The following ADCY10 variants were observed in gnomAD, a reference collection of about 807,000 sequenced individuals.
The protein encoded by ADCY10 is adenylate cyclase type 10.
Under a neutral mutation model 183.3 loss-of-function variants are expected in ADCY10, and 156 were observed. The ratio of observed to expected loss-of-function variants is 0.85; its 90% CI spans 0.75 to 0.97. The LOEUF (loss-of-function observed/expected upper bound fraction) is 0.97, where lower values mean the gene tolerates loss of function less well. ADCY10 is among the 50% of genes least tolerant of loss of function. The pLI is 0.00. For missense variants in ADCY10, 1,745 were observed against 1,934.3 expected, an observed-to-expected ratio of 0.90 and a Z score of 1.84; for synonymous variants, 645 against 670.0, an observed-to-expected ratio of 0.96 and a Z score of 0.58.
At chr1:167,871,714 T>C (rs561812504) in intron 13 of ADCY10, among the ~76,000 whole-genome samples, 43 of 152,360 alleles carry the variant, frequency 2.8e-4, no homozygotes, top group African/African-American at 9.9e-4. Flanking sequence ...TTAATTCAAG[T>C]GTAGACATTT....
chr1:167,860,768 G>T, intron 15 of ADCY10, 103 bp downstream of exon 15: 1 of 944,432 alleles, frequency 1.1e-6, no homozygotes. Flanking sequence ...TCTGGATACT[G>T]CAGATATACA....
chr1:167,842,155 C>G (rs1382024168), intron 21 of ADCY10, among the ~76,000 whole-genome samples: 1 of 152,150 alleles, frequency 6.6e-6, no homozygotes, highest in African/African-American at 2.4e-5. Context: ...CCCTGAATCT[C>G]CTCCAATTAT....
At position 167,833,954 on chromosome 1, in the gene ADCY10, T is replaced by C; in HGVS notation, c.3417+16A>G. Reference sequence around the variant, plus strand: ...GATATATAACAGATAAATTCAAGTCTTTAATGGTTTCTTACCTCACCTTTG... The same window carrying C: ...GATATATAACAGATAAATTCAAGTCCTTAATGGTTTCTTACCTCACCTTTG... On this transcript the variant is annotated intron_variant, in intron 24 of 32. Coordinates refer to ENST00000367851, the MANE Select transcript of ADCY10 (RefSeq NM_018417.6). 3 of 1,598,174 alleles carry C rather than the reference T, an allele frequency of 1.9e-6. No homozygotes were observed. Among genetic ancestry groups the C allele is most frequent in the South Asian group, 1.1e-5 (1 of 90,708 alleles).
intron 16 of ADCY10, 152 bp from the exon 17 acceptor site, chr1:167,856,591 G>A (rs964510527): frequency 7.6e-6 from 6 of 785,678 alleles, no homozygotes; most frequent in Non-Finnish European, 1.3e-5. Flanking sequence ...CAGTAACTTT[G>A]CATTCATTTA....
At chr1:167,899,399 T>C (rs745606983) in intron 6 of ADCY10, 24 bp downstream of exon 6, 1 of 1,612,908 alleles carries the variant, frequency 6.2e-7, no homozygotes, top group Non-Finnish European at 8.5e-7. Context: ...CAGAACTTTC[T>C]GTAAGTAGCA....
intron 31 of ADCY10, among the ~76,000 whole-genome samples, chr1:167,811,971 G>A (rs1027711008): frequency 6.6e-6 from 1 of 152,194 alleles, no homozygotes; most frequent in Non-Finnish European, 1.5e-5. Flanking sequence ...ACCAGAGGAA[G>A]GCTTGGATGG....
chr1:167,890,608 T>G (rs984415823), intron 8 of ADCY10, among the ~76,000 whole-genome samples: 1 of 152,194 alleles, frequency 6.6e-6, no homozygotes, highest in Admixed American at 6.5e-5. Flanking sequence ...AATCAGCAGG[T>G]GCAAAGCCAG....
At chr1:167,828,781 G>T (rs2101886487) in intron 26 of ADCY10, among the ~76,000 whole-genome samples, 1 of 152,246 alleles carries the variant, frequency 6.6e-6, no homozygotes, top group South Asian at 2.1e-4. Context: ...GGCCAACATG[G>T]TGAAACCCCG....
intron 14 of ADCY10, among the ~76,000 whole-genome samples, chr1:167,869,492 G>A (rs904205789): frequency 1.3e-5 from 2 of 152,192 alleles, no homozygotes; most frequent in African/African-American, 4.8e-5. Flanking sequence ...GGACAGAGAA[G>A]CGAAACTAAA....
At position 167,861,328 on chromosome 1, in the gene ADCY10, C is replaced by T. The variant is rs1666271978; in HGVS notation, c.1617-265G>A. 2.0e-5 allele frequency among the ~76,000 whole-genome samples: 3 copies of T among 152,214 alleles called. No individual in the cohort carries two copies. In the South Asian group the frequency reaches 6.2e-4, roughly 32 times the overall value. On this transcript the variant is annotated intron_variant, in intron 14 of 32. Coordinates refer to ENST00000367851, the MANE Select transcript of ADCY10 (RefSeq NM_018417.6). ...CTACCACAATAGCAAGCCACTACCC[C>T]CATCCAGGTCATGACCCTCTGACTG... is the stretch of plus-strand genomic sequence containing the variant.
chr1:167,884,759 G>A (rs1462365833), intron 8 of ADCY10, among the ~76,000 whole-genome samples: 15 of 148,802 alleles, frequency 1.0e-4, no homozygotes, highest in Admixed American at 8.8e-4. Flanking sequence ...GTGCAGTGGC[G>A]CGATCTCGGC....
chr1:167,833,094 G>A lies in ADCY10; in HGVS notation c.3486C>T (p.Asn1162=). Residue 1162 remains asparagine, a synonymous_variant, in exon 25 of 33, where the codon AAC becomes AAT. Transcript: ENST00000367851. The part of the protein sequence containing the change: ...KMLRKALKLL[N]RIFPYNLISL... Reference sequence around the variant, plus strand: ...AGATTAAGTTGTAAGGAAAGATTCGGTTGAGGAGCTTCAGTGCCTTCCTCA... The same window carrying A: ...AGATTAAGTTGTAAGGAAAGATTCGATTGAGGAGCTTCAGTGCCTTCCTCA... 6.2e-7 allele frequency: 1 copy of A among 1,614,212 alleles called. No individual in the cohort carries two copies. The highest frequency in any genetic ancestry group is 8.5e-7 in the Non-Finnish European group (1 of 1,180,042).
chr1:167,826,381 C>T (rs916677154), intron 26 of ADCY10, among the ~76,000 whole-genome samples: 6 of 152,338 alleles, frequency 3.9e-5, no homozygotes, highest in African/African-American at 1.4e-4. Context: ...GGTCACACTG[C>T]AGATAGGCGG....
chr1:167,864,811 C>G (rs1448989673), intron 14 of ADCY10, among the ~76,000 whole-genome samples: 2 of 151,644 alleles, frequency 1.3e-5, no homozygotes, highest in African/African-American at 2.4e-5. Flanking sequence ...AGCACTGAGG[C>G]CTTCCTATCA....
At chr1:167,877,978 A>G (rs1667595084) in intron 12 of ADCY10, among the ~76,000 whole-genome samples, 1 of 152,232 alleles carries the variant, frequency 6.6e-6, no homozygotes, top group Non-Finnish European at 1.5e-5. Flanking sequence ...AAGCCATTGA[A>G]GGATTTTAAG....
At chr1:167,866,052 G>A (rs569647956) in intron 14 of ADCY10, among the ~76,000 whole-genome samples, 1 of 152,204 alleles carries the variant, frequency 6.6e-6, no homozygotes, top group Non-Finnish European at 1.5e-5. Context: ...CTGAAGTGAT[G>A]CAATGAGCTT....
chr1:167,853,361 T>C (rs1259649862), intron 18 of ADCY10, among the ~76,000 whole-genome samples: 4 of 152,010 alleles, frequency 2.6e-5, no homozygotes, highest in African/African-American at 7.2e-5. Flanking sequence ...GAAGATGACA[T>C]TGAAGGTGGA....
At chr1:167,881,664 A>C (rs1028748208) in intron 9 of ADCY10, among the ~76,000 whole-genome samples, 3 of 152,256 alleles carry the variant, frequency 2.0e-5, no homozygotes, top group African/African-American at 7.2e-5. Flanking sequence ...AGTGCCTCAC[A>C]CATATTACAT....
At chr1:167,862,725 T>A (rs771027062) in intron 14 of ADCY10, among the ~76,000 whole-genome samples, 4 of 152,226 alleles carry the variant, frequency 2.6e-5, no homozygotes, top group Non-Finnish European at 5.9e-5. Flanking sequence ...TCAGCAATGA[T>A]AAAGATATTT....
Sources: gnomAD v4.1 joint callset for allele counts (sites outside exome capture counted in the v4.1 genomes callset) on GRCh38, gnomAD v4.1.1 for gene constraint, MANE v1.5 for transcripts, NCBI Gene and HGNC (gene_info 2026-07-23, HGNC 2026-07-21) for gene names.